ITGB2: variants seen among roughly 807,000 people sequenced by gnomAD.
ITGB2 encodes the protein integrin subunit beta 2.
In ITGB2, 56 loss-of-function variants were observed where a neutral mutation model predicts 86.8. The observed-to-expected ratio is 0.65, with a 90% CI of 0.52 to 0.81. The LOEUF (loss-of-function observed/expected upper bound fraction) is 0.81. Ranked by LOEUF, ITGB2 falls within the 30% of genes least tolerant of loss-of-function variation. ITGB2 has a pLI of 0.00. For synonymous variants in ITGB2, 457 were observed against 450.4 expected (o/e 1.01, Z -0.19); for missense variants, 948 against 1,061.2 (o/e 0.89, Z 1.48).
rs773667499 is a variant in ITGB2 at position 44,893,394 on chromosome 21, C to A, written c.1224+10G>T. On this transcript the variant is annotated intron_variant, in intron 10 of 15. Transcript: ENST00000652462. ...CAAGCTGGGATGGGGACCCTTGTGG[C>A]CAGGCTCACCGGGACATTGATCTGC... The A allele has an allele frequency of 6.2e-7, 1 of 1,613,478 alleles. No homozygotes were observed. The highest frequency in any genetic ancestry group is 8.5e-7 in the Non-Finnish European group (1 of 1,179,724).
rs147318988 is a variant in ITGB2, at chr21:44,900,408, G to A, written c.809C>T (p.Ala270Val). ...GATGGCGCCCAGCTTCCCGTCGCCCGCGAAATGGAAGCCGTCATCAGTGGC... is the reference window on the plus strand; with the variant it reads ...GATGGCGCCCAGCTTCCCGTCGCCCACGAAATGGAAGCCGTCATCAGTGGC... ...VFATDDGFHF[A>V]GDGKLGAILT... The change falls in exon 7 of 16, where the codon GCG becomes GTG. Residue 270 changes from alanine (A) to valine (V), a missense_variant. Coordinates refer to ENST00000652462, the MANE Select transcript of ITGB2 (RefSeq NM_000211.5). 4.3e-6 allele frequency: 7 copies of A among 1,613,934 alleles called. No homozygotes were observed. Among genetic ancestry groups the A allele is most frequent in the African/African-American group, 1.3e-5 (1 of 74,934 alleles).
chr21:44,889,468 C>A lies in ITGB2; in HGVS notation c.1685G>T (p.Cys562Phe). ...PGRGLCFCGK[C>F]RCHPGFEGSA... ...GCCCTCAAAGCCCGGGTGGCAGCGG[C>A]ACTTCCCGCAGAAGCAGAGCCCCCT... is the stretch of plus-strand genomic sequence containing the variant. The change falls in exon 13 of 16, where the codon TGC (cysteine) becomes TTC (phenylalanine). Residue 562 changes from cysteine to phenylalanine, a missense_variant. By Grantham distance (205) the Cys-to-Phe change is radical (BLOSUM62 -2). Transcript: ENST00000652462. 6.3e-7 allele frequency: 1 copy of A among 1,584,060 alleles called. No individual in the cohort carries two copies. The highest frequency in any genetic ancestry group is 8.6e-7 in the Non-Finnish European group (1 of 1,165,634).
intron 10 of ITGB2, among the ~76,000 whole-genome samples, chr21:44,892,217 C>T (rs916541314): frequency 2.4e-4 from 36 of 152,360 alleles, no homozygotes; most frequent in African/African-American, 8.7e-4. Flanking sequence ...GCACCAGGAT[C>T]TCCCCGGCCA....
At chr21:44,889,123 G>A (rs1040975591) in intron 13 of ITGB2, 153 bp downstream of exon 13, 30 of 760,190 alleles carry the variant, frequency 3.9e-5, no homozygotes, top group South Asian at 6.6e-5. Context: ...ACAGGGGCAC[G>A]GCGGCCGCGG....
chr21:44,903,491 A>ACCC lies in ITGB2; in HGVS notation c.372_373insGGG (p.Gly124dup). ...ATCAGATAGTACAGGTCGATGGGGT[A>ACCC]GCCCTTGGCCCGCCGGAAGGTCACG... On this transcript the variant is annotated inframe_insertion, in exon 5 of 16. Coordinates refer to ENST00000652462, the MANE Select transcript of ITGB2 (RefSeq NM_000211.5). The ACCC allele has an allele frequency of 6.2e-7, 1 of 1,614,122 alleles. No homozygotes were observed. Among genetic ancestry groups the ACCC allele is most frequent in the Non-Finnish European group, 8.5e-7 (1 of 1,179,976 alleles).
At chr21:44,889,089 G>T in intron 13 of ITGB2, 187 bp downstream of exon 13, 1 of 699,396 alleles carries the variant, frequency 1.4e-6, no homozygotes, top group Non-Finnish European at 2.5e-6. Flanking sequence ...CCCGCGGCAG[G>T]TGCGCACAGG....
intron 1 of ITGB2, among the ~76,000 whole-genome samples, chr21:44,918,999 TC>T (rs1568909631): frequency 8.7e-6 from 1 of 114,360 alleles, no homozygotes; most frequent in Non-Finnish European, 2.0e-5. Context: ...AGCTGAGCAT[TC>T]CCCTCTCCCA....
intron 5 of ITGB2, 130 bp downstream of exon 5, chr21:44,903,235 G>T: frequency 9.6e-7 from 1 of 1,044,786 alleles, no homozygotes; most frequent in Non-Finnish European, 1.5e-6. Flanking sequence ...GGATGCCCTG[G>T]GGGGACCTGC....
intron 13 of ITGB2, 154 bp downstream of exon 13, chr21:44,889,122 C>A: frequency 2.6e-6 from 2 of 757,152 alleles, no homozygotes; most frequent in Non-Finnish European, 4.4e-6. Context: ...CACAGGGGCA[C>A]GGCGGCCGCG....
At chr21:44,917,688 A>C (rs1205202721) in intron 1 of ITGB2, among the ~76,000 whole-genome samples, 1 of 151,664 alleles carries the variant, frequency 6.6e-6, no homozygotes, top group East Asian at 1.9e-4. Flanking sequence ...GGACTCCTGG[A>C]CTCTGCCCTC....
At chr21:44,899,294 A>G in intron 7 of ITGB2, 132 bp from the exon 8 acceptor site, 1 of 722,164 alleles carries the variant, frequency 1.4e-6, no homozygotes, top group Non-Finnish European at 2.5e-6. Flanking sequence ...CTGGAGAGGC[A>G]GAGGCTGCCA....
chr21:44,897,026 C>T (rs779049596), intron 8 of ITGB2, among the ~76,000 whole-genome samples: 6 of 152,124 alleles, frequency 3.9e-5, no homozygotes, highest in South Asian at 2.1e-4. Flanking sequence ...TGTGGATGTC[C>T]GGCCCCAGCC....
chr21:44,922,924 A>C (rs1227527915), upstream of ITGB2: 3 of 152,242 alleles, frequency 2.0e-5, no homozygotes, highest in African/African-American at 7.2e-5. Flanking sequence ...CTTAGCCTAG[A>C]AAATAATGAA....
chr21:44,907,304 G>C (rs891211870), intron 3 of ITGB2, among the ~76,000 whole-genome samples: 7 of 152,190 alleles, frequency 4.6e-5, no homozygotes, highest in Non-Finnish European at 7.3e-5. Flanking sequence ...CAGACCCCTG[G>C]GGGGCAGGGT....
At chr21:44,892,752 C>CA (rs1456412371) in intron 10 of ITGB2, among the ~76,000 whole-genome samples, 3 of 144,272 alleles carry the variant, frequency 2.1e-5, no homozygotes, top group South Asian at 2.2e-4. Flanking sequence ...AAACAAAAAA[C>CA]AAAAAACAAA....
chr21:44,892,276 G>A (rs1243487730), intron 10 of ITGB2, among the ~76,000 whole-genome samples: 1 of 152,218 alleles, frequency 6.6e-6, no homozygotes. Flanking sequence ...AGGAGAAGCT[G>A]AGCACACTCC....
Position 44,888,858 on chromosome 21 carries a change from AG to A in ITGB2, c.1914del (p.Phe639LeufsTer19). 2 of 1,608,998 alleles carry A rather than the reference AG, an allele frequency of 1.2e-6. No individual in the cohort carries two copies. ...CACGCCGCGCTGCAGTTCTTCCCAAAGGGGCCCTTTTCGAACTTCAGGCACT... is the reference window on the plus strand; with the variant it reads ...CACGCCGCGCTGCAGTTCTTCCCAAAGGGCCCTTTTCGAACTTCAGGCACT... ...CAECLKFEKG[P>X]FGKNCSAACP... On this transcript the variant is annotated frameshift_variant, in exon 14 of 16. Transcript: ENST00000652462. LOFTEE classifies it high-confidence loss of function.
At chr21:44,891,708 G>A (rs2083787395) in intron 11 of ITGB2, 101 bp downstream of exon 11, 1 of 1,342,382 alleles carries the variant, frequency 7.4e-7, no homozygotes, top group African/African-American at 1.4e-5. Flanking sequence ...TCCGTGGGGT[G>A]GGGGAAGGGA....
At chr21:44,922,731 A>G (rs1640892583), upstream of ITGB2, among the ~76,000 whole-genome samples, 1 of 152,142 alleles carries the variant, frequency 6.6e-6, no homozygotes, top group African/African-American at 2.4e-5. Flanking sequence ...CAAGAAAGGT[A>G]AATAAAAACC....
Sources: allele counts gnomAD v4.1 joint callset (sites outside exome capture counted in the v4.1 genomes callset), GRCh38; gene constraint gnomAD v4.1.1; transcripts MANE v1.5; gene names NCBI Gene and HGNC (gene_info 2026-07-23, HGNC 2026-07-21).